FBN2: variants seen among roughly 807,000 people sequenced by gnomAD.
FBN2 encodes the protein fibrillin-2.
FBN2 carries 105 observed loss-of-function variants against 355.6 expected under a neutral mutation model. The ratio of observed to expected loss-of-function variants is 0.30; its 90% CI spans 0.25 to 0.35. The LOEUF is 0.35. FBN2 is among the 10% of genes least tolerant of loss of function. The probability of loss-of-function intolerance (pLI) is 1.00; values close to 1 mark genes in which losing one functional copy is unlikely to be tolerated. For synonymous variants in FBN2, 1,350 were observed against 1,301.2 expected (o/e 1.04, Z -0.81); for missense variants, 3,280 against 3,758.7 (o/e 0.87, Z 3.33).
intron 23 of FBN2, 92 bp from the exon 24 acceptor site, chr5:128,345,676 G>T: frequency 8.6e-7 from 1 of 1,166,594 alleles, no homozygotes; most frequent in Non-Finnish European, 1.3e-6. Flanking sequence ...CAGGCATCAT[G>T]CAGGACCCTT....
intron 7 of FBN2, among the ~76,000 whole-genome samples, chr5:128,416,465 G>A (rs181911318): frequency 3.4e-4 from 52 of 152,236 alleles, no homozygotes; most frequent in Admixed American, 2.3e-3. Flanking sequence ...CTTTTGAGTC[G>A]TAGTCATAAA....
At chr5:128,427,433 G>T (rs1753510872) in intron 7 of FBN2, among the ~76,000 whole-genome samples, 3 of 151,992 alleles carry the variant, frequency 2.0e-5, no homozygotes, top group Admixed American at 1.3e-4. Flanking sequence ...CCACCAAAAG[G>T]ATCTGCTGGC....
chr5:128,259,442 A>C lies in FBN2; in HGVS notation c.*13T>G. The C allele has an allele frequency of 1.9e-6, 3 of 1,612,596 alleles. No individual in the cohort carries two copies. The highest frequency in any genetic ancestry group is 2.0e-4 in the Middle Eastern group (1 of 4,932). On this transcript the variant is annotated 3_prime_UTR_variant, in exon 65 of 65. Coordinates refer to ENST00000262464, the MANE Select transcript of FBN2 (RefSeq NM_001999.4). ...GTGCTAGGATTTGAGCCTGGGCCCAAGTCTGTGAAGGGTTAATAGAGCTGA... is the reference window on the plus strand; with the variant it reads ...GTGCTAGGATTTGAGCCTGGGCCCACGTCTGTGAAGGGTTAATAGAGCTGA...
chr5:128,395,758 T>G (rs1225528308), intron 8 of FBN2, among the ~76,000 whole-genome samples: 25 of 152,116 alleles, frequency 1.6e-4, no homozygotes, highest in Non-Finnish European at 4.4e-5. Context: ...GCTTCATGTG[T>G]GTGAAGAAAG....
At chr5:128,468,033 G>T (rs1273574523) in intron 5 of FBN2, among the ~76,000 whole-genome samples, 1 of 152,052 alleles carries the variant, frequency 6.6e-6, no homozygotes, top group Admixed American at 6.5e-5. Flanking sequence ...TAAATTTATT[G>T]AATTATGCAA....
At chr5:128,328,416 T>C in intron 34 of FBN2, 1 of 601,966 alleles carries the variant, frequency 1.7e-6, no homozygotes, top group East Asian at 2.8e-5. Flanking sequence ...ATTCATTTAG[T>C]GATAAAAAAG....
chr5:128,340,160 G>A (rs956124769), intron 25 of FBN2, among the ~76,000 whole-genome samples: 2 of 152,066 alleles, frequency 1.3e-5, no homozygotes, highest in African/African-American at 2.4e-5. Flanking sequence ...AAATGTTTTA[G>A]TCCAAAAATC....
chr5:128,451,097 T>C (rs1754228697), intron 6 of FBN2, among the ~76,000 whole-genome samples: 1 of 152,176 alleles, frequency 6.6e-6, no homozygotes, highest in South Asian at 2.1e-4. Flanking sequence ...AACACATCTC[T>C]GTGTCAGTAC....
intron 11 of FBN2, among the ~76,000 whole-genome samples, chr5:128,382,499 C>G (rs927504542): frequency 2.6e-4 from 39 of 152,036 alleles, no homozygotes; most frequent in African/African-American, 9.2e-4. Flanking sequence ...TAAGAGCCAC[C>G]TGTGTGTTGT....
At chr5:128,432,303 T>A (rs950137254) in intron 7 of FBN2, among the ~76,000 whole-genome samples, 8 of 152,192 alleles carry the variant, frequency 5.3e-5, no homozygotes, top group Non-Finnish European at 8.8e-5. Flanking sequence ...GTGGGCCACT[T>A]AAAATCAACT....
intron 55 of FBN2, among the ~76,000 whole-genome samples, chr5:128,282,538 T>A (rs115418133): frequency 1.5e-3 from 233 of 152,228 alleles, no homozygotes; most frequent in African/African-American, 5.2e-3. Flanking sequence ...TTTGATTATG[T>A]ATAATACAGT....
intron 19 of FBN2, 116 bp downstream of exon 19, chr5:128,361,607 A>G (rs545112699): frequency 4.6e-6 from 6 of 1,314,844 alleles, no homozygotes; most frequent in South Asian, 3.6e-5. Context: ...ATGAGATTAT[A>G]AAATAAAATA....
chr5:128,276,159 G>T lies in FBN2; in HGVS notation c.7473C>A (p.Asp2491Glu). 3 of 1,613,494 alleles carry T rather than the reference G, an allele frequency of 1.9e-6. No individual in the cohort carries two copies. The highest frequency in any genetic ancestry group is 2.5e-6 in the Non-Finnish European group (3 of 1,179,558). The stretch of plus-strand genomic sequence containing the variant: ...TCGGGGACTGGGAGCATTCATCAAG[G>T]TCTAAGTAAAAGTGATGTGAAGATT... ...TTDISGTSCI[D>E]LDECSQSPKP... The change falls in exon 59 of 65, where the codon GAC (aspartate) becomes GAA (glutamate). Residue 2491 changes from aspartate (D) to glutamate (E), a missense_variant and splice_region_variant. Physicochemically the swap from Asp to Glu is conservative, Grantham distance 45. Coordinates refer to ENST00000262464, the MANE Select transcript of FBN2 (RefSeq NM_001999.4).
chr5:128,312,381 A>T (rs1263293292), intron 37 of FBN2, among the ~76,000 whole-genome samples: 1 of 152,242 alleles, frequency 6.6e-6, no homozygotes, highest in Non-Finnish European at 1.5e-5. Context: ...TGAAGAACTG[A>T]TATTAGTACT....
At chr5:128,309,588 T>G (rs1749976655) in intron 40 of FBN2, among the ~76,000 whole-genome samples, 189 bp from the exon 41 acceptor site, 1 of 152,156 alleles carries the variant, frequency 6.6e-6, no homozygotes, top group African/African-American at 2.4e-5. Context: ...TCCTTTATCC[T>G]TAAAGGTTTT....
Position 128,430,615 on chromosome 5 carries a change from G to A in FBN2, c.952+15866C>T, listed in dbSNP as rs141970556. ...TCTCAGTACTTTGGGAGGCTGAGGCGAGTGGATCATTTGAGGTCAGGAGTT... is the reference window on the plus strand; with the variant it reads ...TCTCAGTACTTTGGGAGGCTGAGGCAAGTGGATCATTTGAGGTCAGGAGTT... On this transcript the variant is annotated intron_variant, in intron 7 of 64. Transcript: ENST00000262464. Among the ~76,000 whole-genome samples, 975 of 152,138 alleles carry A rather than the reference G, an allele frequency of 6.4e-3. 11 individuals are homozygous for A. Among genetic ancestry groups the A allele is most frequent in the African/African-American group, 0.022 (913 of 41,504 alleles).
In FBN2 at chr5:128,364,624, C is replaced by G; in HGVS notation, c.2404G>C (p.Asp802His). The part of the protein sequence containing the change: ...RCNCNSGYEP[D>H]ASGRNCIDID... The stretch of plus-strand genomic sequence containing the variant: ...CCAATACAGTTTCTTCCAGAGGCAT[C>G]TGGTTCATAGCCACTGTTGCAATTA... The change falls in exon 18 of 65, where the codon GAT (aspartate) becomes CAT (histidine). Residue 802 changes from aspartate (D) to histidine (H), a missense_variant. Asp to His is a moderately conservative substitution (Grantham distance 81). Around this residue, in one of 6 missense-constraint regions of FBN2, gnomAD observed 2,284 missense variants for 2,749.5 expected, o/e 0.83. Transcript: ENST00000262464. The G allele has an allele frequency of 6.2e-7, 1 of 1,613,684 alleles. No homozygotes were observed. The highest frequency in any genetic ancestry group is 8.5e-7 in the Non-Finnish European group (1 of 1,179,698).
At chr5:128,438,092 G>T (rs1047177345) in intron 7 of FBN2, among the ~76,000 whole-genome samples, 1 of 152,150 alleles carries the variant, frequency 6.6e-6, no homozygotes, top group Non-Finnish European at 1.5e-5. Flanking sequence ...CTGGGCTTAG[G>T]TGATCCTAAT....
chr5:128,519,676 T>C lies in FBN2; in HGVS notation c.533-308A>G, dbSNP rs373949508. ...CGCTGGCTCTCATGCTCATTTAGAA[T>C]GTAACTACTCAACCCTCAATTTCTG... On this transcript the variant is annotated intron_variant, in intron 4 of 64. Coordinates refer to ENST00000262464, the MANE Select transcript of FBN2 (RefSeq NM_001999.4). Among the ~76,000 whole-genome samples the C allele has an allele frequency of 2.8e-4, 42 of 152,072 alleles. No individual in the cohort carries two copies. The South Asian group carries it at 8.5e-3, about 31-fold the overall frequency.
Sources: allele counts gnomAD v4.1 joint callset (sites outside exome capture counted in the v4.1 genomes callset), GRCh38; gene constraint gnomAD v4.1.1; regional missense constraint gnomAD v4.1.1; transcripts MANE v1.5; gene names NCBI Gene and HGNC (gene_info 2026-07-23, HGNC 2026-07-21).